USF2: variants seen among roughly 807,000 people sequenced by gnomAD.
USF2 encodes the protein upstream transcription factor 2, c-fos interacting, also known as upstream stimulatory factor 2.
USF2 carries 16 observed loss-of-function variants against 46.9 expected under a neutral mutation model. The observed-to-expected ratio is 0.34, with a 90% CI of 0.23 to 0.52. The LOEUF (loss-of-function observed/expected upper bound fraction) is 0.52. USF2 is among the 20% of genes least tolerant of loss of function. USF2 has a pLI of 0.96. For synonymous variants in USF2, 239 were observed against 194.1 expected, an observed-to-expected ratio of 1.23 and a Z score of -1.92; for missense variants, 411 against 474.0, an observed-to-expected ratio of 0.87 and a Z score of 1.23.
chr19:35,271,614 C>G (rs2066158035), intron 7 of USF2, among the ~76,000 whole-genome samples: 1 of 152,240 alleles, frequency 6.6e-6, no homozygotes, highest in Non-Finnish European at 1.5e-5. Context: ...CTACCTAAGG[C>G]CGGAGCATCC....
intron 7 of USF2, among the ~76,000 whole-genome samples, chr19:35,272,979 G>A (rs181519930): frequency 7.6e-4 from 116 of 151,944 alleles, no homozygotes; most frequent in African/African-American, 2.4e-3. Context: ...CAGCCGCCCC[G>A]GGCACCTGGT....
chr19:35,271,171 CT>C (rs766446025), intron 7 of USF2, 30 bp downstream of exon 7: 7 of 1,613,542 alleles, frequency 4.3e-6, no homozygotes, highest in Non-Finnish European at 5.1e-6. Context: ...CCGGGTCCCC[CT>C]GACCACCACC....
In USF2 at chr19:35,279,756, A is replaced by C. The variant is rs1048941326; in HGVS notation, c.*500A>C. 14 of 151,940 alleles carry C rather than the reference A, an allele frequency of 9.2e-5. No homozygotes were observed. Among genetic ancestry groups the C allele is most frequent in the South Asian group, 2.1e-4 (1 of 4,744 alleles). The allele number at this position is 151,940 out of a possible 1,614,324, so 9.4% of individuals were successfully genotyped here. ...TAATTTTCTTTATGGAAAAATTGAC[A>C]AAAAAAAAATAGAGAGAGAGGTATT... On this transcript the variant is annotated 3_prime_UTR_variant, in exon 10 of 10. Transcript: ENST00000222305.
intron 7 of USF2, chr19:35,277,987 A>C (rs918249360): frequency 6.6e-6 from 1 of 152,232 alleles, no homozygotes; most frequent in African/African-American, 2.4e-5. Flanking sequence ...TAAAATCACA[A>C]ATCTGGGTTT....
rs1483122355 is a variant in USF2, at chr19:35,269,570, C to T, written c.110-11C>T. 2 of 1,575,830 alleles carry T rather than the reference C, an allele frequency of 1.3e-6. No individual in the cohort carries two copies. Among genetic ancestry groups the T allele is most frequent in the Non-Finnish European group, 1.7e-6 (2 of 1,162,784 alleles). ...CGGCCCTGACCGTGCCCCGACCCTCCTCGGCCCCAGGCGGGGACGGCCCAG... is the reference window on the plus strand; with the variant it reads ...CGGCCCTGACCGTGCCCCGACCCTCTTCGGCCCCAGGCGGGGACGGCCCAG... On this transcript the variant is annotated splice_polypyrimidine_tract_variant and intron_variant, in intron 2 of 9. Coordinates refer to ENST00000222305, the MANE Select transcript of USF2 (RefSeq NM_003367.4).
chr19:35,270,199 C>T lies in USF2; in HGVS notation c.429+196C>T, dbSNP rs547552177. ...GTGCTCTTGGAATTTTTTTTTCCCG[C>T]AAAATGGGAATGATGTGTCTTAAGA... On this transcript the variant is annotated intron_variant, in intron 4 of 9. Transcript: ENST00000222305. The T allele has an allele frequency of 1.0e-5, 9 of 883,796 alleles. No individual in the cohort carries two copies. The East Asian group carries it at 1.8e-4, about 17-fold the overall frequency. 54.7% of individuals were successfully genotyped at this position (883,796 alleles called of 1,614,324 possible).
chr19:35,278,546 C>T (rs2066265679), intron 7 of USF2, 152 bp from the exon 8 acceptor site: 1 of 752,798 alleles, frequency 1.3e-6, no homozygotes. Context: ...GCCGGCTGGG[C>T]TCAGGGTGCG....
At chr19:35,274,886 C>A (rs541183204) in intron 7 of USF2, among the ~76,000 whole-genome samples, 1 of 152,328 alleles carries the variant, frequency 6.6e-6, no homozygotes, top group East Asian at 1.9e-4. Flanking sequence ...CAGTGCCTTC[C>A]CCTTGCTGCC....
In USF2 at chr19:35,271,567, C is replaced by T. The variant is rs1346948666; in HGVS notation, c.727+426C>T. Among the ~76,000 whole-genome samples the T allele has an allele frequency of 3.9e-5, 6 of 152,212 alleles. No homozygotes were observed. The East Asian group carries it at 1.2e-3, about 29-fold the overall frequency. On this transcript the variant is annotated intron_variant, in intron 7 of 9. Coordinates refer to ENST00000222305, the MANE Select transcript of USF2 (RefSeq NM_003367.4). ...AGTAGGTCTGTTCCCCCAGGGAGCA[C>T]ATCTGAGGGAGAAACTGCATGAAGT...
In USF2 at chr19:35,269,897, CG is replaced by C. The variant is rs1568456012; in HGVS notation, c.330del (p.Gln111SerfsTer4). ...AGCGTCGTGTCCACCGCTGCCTTCG[CG>C]GGGGGGCAGCAGGCTGTGACCCAGG... ...AVSVVSTAAF[A>X]GGQQAVTQVG... On this transcript the variant is annotated frameshift_variant, in exon 4 of 10. Transcript: ENST00000222305. LOFTEE classifies it high-confidence loss of function. The C allele has an allele frequency of 3.6e-6, 5 of 1,400,202 alleles. No homozygotes were observed. Among genetic ancestry groups the C allele is most frequent in the Non-Finnish European group, 3.7e-6 (4 of 1,086,298 alleles). 86.7% of individuals were successfully genotyped at this position (1,400,202 alleles called of 1,614,324 possible). A position where few individuals can be genotyped will look rare whatever the true frequency, so the allele number is the denominator to read the frequency against.
intron 4 of USF2, 70 bp from the exon 5 acceptor site, chr19:35,270,377 C>T (rs2066133639): frequency 6.4e-7 from 1 of 1,560,158 alleles, no homozygotes; most frequent in Non-Finnish European, 8.7e-7. Flanking sequence ...AAACCCCAAG[C>T]ACAGCAATGA....
In USF2 at chr19:35,271,116, G is replaced by C; in HGVS notation, c.702G>C (p.Glu234Asp). 2 of 1,613,928 alleles carry C rather than the reference G, an allele frequency of 1.2e-6. No individual in the cohort carries two copies. Among genetic ancestry groups the C allele is most frequent in the East Asian group, 2.2e-5 (1 of 44,876 alleles). ...ATGGAACCAGAACACCCCGAGATGAGAGGAGAAGAGCCCAGCACAACGAAG... is the reference window on the plus strand; with the variant it reads ...ATGGAACCAGAACACCCCGAGATGACAGGAGAAGAGCCCAGCACAACGAAG... ...KIDGTRTPRD[E>D]RRRAQHNEVE... The change falls in exon 7 of 10, where the codon GAG becomes GAC. Residue 234 changes from glutamate (E) to aspartate (D), a missense_variant. Coordinates refer to ENST00000222305, the MANE Select transcript of USF2 (RefSeq NM_003367.4).
At chr19:35,272,194 A>G (rs908192483) in intron 7 of USF2, among the ~76,000 whole-genome samples, 56 of 152,224 alleles carry the variant, frequency 3.7e-4, no homozygotes, top group African/African-American at 1.0e-3. Flanking sequence ...AGATATGGCA[A>G]TGCAGCAGAT....
chr19:35,277,347 A>C (rs1440669031), intron 7 of USF2: 1 of 153,088 alleles, frequency 6.5e-6, no homozygotes, highest in South Asian at 2.1e-4. Flanking sequence ...TCACGGTGGG[A>C]GAAGGAGAGT....
At chr19:35,271,640 C>T (rs188775562) in intron 7 of USF2, among the ~76,000 whole-genome samples, 17 of 152,370 alleles carry the variant, frequency 1.1e-4, no homozygotes, top group Admixed American at 7.8e-4. Flanking sequence ...TTTCCAGAAA[C>T]ACCAGGTCTC....
intron 7 of USF2, chr19:35,277,889 A>T (rs1418613206): frequency 6.6e-6 from 1 of 152,250 alleles, no homozygotes; most frequent in Non-Finnish European, 1.5e-5. Context: ...TCAGGATGGG[A>T]TGTGGCCAGA....
intron 8 of USF2, 52 bp from the exon 9 acceptor site, chr19:35,278,894 G>A (rs1177237921): frequency 1.9e-6 from 3 of 1,585,438 alleles, no homozygotes; most frequent in Admixed American, 1.7e-5. Context: ...CCCTGGGGTG[G>A]AGGCCGGTGG....
In USF2 at chr19:35,270,858, G is replaced by A. The variant is rs1227218315; in HGVS notation, c.668+53G>A. ...TGGTGTTGAAATGGAAGGAAGAGGG[G>A]TTTCTGGAGTAGAAGCTGGGCAGTT... On this transcript the variant is annotated intron_variant, in intron 6 of 9. Coordinates refer to ENST00000222305, the MANE Select transcript of USF2 (RefSeq NM_003367.4). 1.9e-5 allele frequency: 31 copies of A among 1,604,634 alleles called. 1 individual carries two copies. In the South Asian group the frequency reaches 2.4e-4, roughly 13 times the overall value.
At position 35,279,024 on chromosome 19, in the gene USF2, T is replaced by C; in HGVS notation, c.901T>C (p.Phe301Leu). ...RQTNQRMQETFKEAERLQMDN... is the reference protein window; with the variant it reads ...RQTNQRMQETLKEAERLQMDN... ...GACCAACCAGCGCATGCAGGAGACC[T>C]TCAAAGAGGCCGAGCGGCTGCAGAT... The change falls in exon 9 of 10, where the codon TTC (phenylalanine) becomes CTC (leucine). Residue 301 changes from phenylalanine (F) to leucine (L), a missense_variant. Around this residue, in one of 2 missense-constraint regions of USF2, gnomAD observed 93 missense variants for 151.6 expected, o/e 0.61. Transcript: ENST00000222305. The C allele has an allele frequency of 6.3e-7, 1 of 1,589,030 alleles. No homozygotes were observed. The highest frequency in any genetic ancestry group is 8.6e-7 in the Non-Finnish European group (1 of 1,166,846).
Sources: gnomAD v4.1 joint callset for allele counts (sites outside exome capture counted in the v4.1 genomes callset) on GRCh38, gnomAD v4.1.1 for gene constraint, gnomAD v4.1.1 regional missense constraint, MANE v1.5 for transcripts, NCBI Gene and HGNC (gene_info 2026-07-23, HGNC 2026-07-21) for gene names.